Variants in PIP4K2A observed in about 807,000 individuals in gnomAD.
The protein encoded by PIP4K2A is phosphatidylinositol-5-phosphate 4-kinase type 2 alpha.
A neutral mutation model predicts 42.9 loss-of-function variants in PIP4K2A; 14 were observed. The ratio of observed to expected loss-of-function variants is 0.33; its 90% CI spans 0.22 to 0.51. The LOEUF is 0.51. Ranked by LOEUF, PIP4K2A falls within the 20% of genes least tolerant of loss-of-function variation. The pLI is 0.97. For synonymous variants in PIP4K2A, 192 were observed against 192.2 expected, an observed-to-expected ratio of 1.00 and a Z score of 0.01; for missense variants, 434 against 519.8, an observed-to-expected ratio of 0.83 and a Z score of 1.61.
At chr10:22,571,977 A>G (rs527614607) in intron 5 of PIP4K2A, among the ~76,000 whole-genome samples, 6 of 152,348 alleles carry the variant, frequency 3.9e-5, no homozygotes, top group African/African-American at 1.4e-4. Flanking sequence ...AAAAATGTTA[A>G]CATGTAATGT....
chr10:22,668,803 A>T (rs1839396955), intron 1 of PIP4K2A, among the ~76,000 whole-genome samples: 1 of 152,246 alleles, frequency 6.6e-6, no homozygotes, highest in Non-Finnish European at 1.5e-5. Context: ...TTATATAAGA[A>T]ACATGTACTT....
intron 1 of PIP4K2A, among the ~76,000 whole-genome samples, chr10:22,648,185 G>T (rs1249716385): frequency 6.6e-6 from 1 of 151,942 alleles, no homozygotes; most frequent in East Asian, 1.9e-4. Context: ...CTTCTTTCCT[G>T]CAAAGGTTGT....
At chr10:22,627,588 T>TAAAAAAAAAAAAAAAAAAAA (rs1564448260) in intron 1 of PIP4K2A, among the ~76,000 whole-genome samples, 6 of 38,922 alleles carry the variant, frequency 1.5e-4, no homozygotes, top group Non-Finnish European at 2.2e-4. Context: ...AGCTAATATG[T>TAAAAAAAAAAAAAAAAAAAA]AATAAAAAAA....
chr10:22,611,413 AAC>A (rs148928071), intron 1 of PIP4K2A, among the ~76,000 whole-genome samples: 82,089 of 142,346 alleles, frequency 0.58, 23,916 homozygotes, highest in East Asian at 0.86. Context: ...AAACAACAAC[AAC>A]AAAAAAAAAA....
chr10:22,657,065 A>C (rs1185747184), intron 1 of PIP4K2A, among the ~76,000 whole-genome samples: 1 of 152,156 alleles, frequency 6.6e-6, no homozygotes, highest in Admixed American at 6.5e-5. Flanking sequence ...TTTAATGTAC[A>C]CTTTGGCTCT....
intron 1 of PIP4K2A, among the ~76,000 whole-genome samples, chr10:22,713,266 A>C (rs1833943579): frequency 6.6e-6 from 1 of 152,118 alleles, no homozygotes; most frequent in South Asian, 2.1e-4. Flanking sequence ...CGCATCCTCC[A>C]ATCCCCGACT....
At chr10:22,714,127 A>G in intron 1 of PIP4K2A, 56 bp downstream of exon 1, 1 of 1,494,346 alleles carries the variant, frequency 6.7e-7, no homozygotes, top group Non-Finnish European at 9.1e-7. Context: ...GAGGAGGGGA[A>G]CGAGGAGGAA....
rs186756428 is a variant in PIP4K2A, at chr10:22,576,568, T to G, written c.493-3111A>C. On this transcript the variant is annotated intron_variant, in intron 4 of 9. Transcript: ENST00000376573. ...AGAGCCCTCCCGGTCCAGCTCCGTGTTCATTACCTGTGTGACCTTGGGACA... is the reference window on the plus strand; with the variant it reads ...AGAGCCCTCCCGGTCCAGCTCCGTGGTCATTACCTGTGTGACCTTGGGACA... 8.5e-5 allele frequency among the ~76,000 whole-genome samples: 13 copies of G among 152,310 alleles called. No homozygotes were observed. The East Asian group carries it at 2.5e-3, about 29-fold the overall frequency.
chr10:22,661,217 T>C (rs1839198548), intron 1 of PIP4K2A, among the ~76,000 whole-genome samples: 1 of 152,224 alleles, frequency 6.6e-6, no homozygotes, highest in Admixed American at 6.5e-5. Context: ...AAAACCACTG[T>C]TAACTCCAAG....
chr10:22,647,324 A>ATGTG (rs774899830), intron 1 of PIP4K2A, among the ~76,000 whole-genome samples: 12 of 85,042 alleles, frequency 1.4e-4, no homozygotes, highest in Non-Finnish European at 3.4e-4. Flanking sequence ...GTGTGTGTGT[A>ATGTG]TGTGTGTGTG....
intron 4 of PIP4K2A, among the ~76,000 whole-genome samples, chr10:22,576,405 G>C (rs947859822): frequency 6.6e-6 from 1 of 152,140 alleles, no homozygotes; most frequent in Non-Finnish European, 1.5e-5. Flanking sequence ...GCACAAACTC[G>C]TAACACCAGC....
intron 1 of PIP4K2A, among the ~76,000 whole-genome samples, chr10:22,671,745 T>TACACACACACACACACACACACACAC (rs143696456): frequency 2.8e-5 from 4 of 144,672 alleles, no homozygotes; most frequent in African/African-American, 1.0e-4. Context: ...ACTTGGAAAA[T>TACACACACACACACACACACACACAC]ACACACACAC....
intron 4 of PIP4K2A, 54 bp from the exon 5 acceptor site, chr10:22,573,511 C>T: frequency 6.6e-7 from 1 of 1,509,602 alleles, no homozygotes; most frequent in Admixed American, 1.9e-5. Flanking sequence ...AGATTGCTTC[C>T]TTAGATGTAA....
intron 1 of PIP4K2A, among the ~76,000 whole-genome samples, chr10:22,639,939 T>G (rs2559534): frequency 0.27 from 41,624 of 151,602 alleles, 5,984 homozygotes; most frequent in Non-Finnish European, 0.31. Flanking sequence ...AGATATCAAT[T>G]TGCAAACTTA....
At chr10:22,676,126 G>A (rs1350214714) in intron 1 of PIP4K2A, among the ~76,000 whole-genome samples, 3 of 152,004 alleles carry the variant, frequency 2.0e-5, no homozygotes, top group Admixed American at 1.3e-4. Flanking sequence ...TCCGTGGAGA[G>A]CATTTTTGAA....
chr10:22,656,157 T>C (rs1295513460), intron 1 of PIP4K2A, among the ~76,000 whole-genome samples: 2 of 152,226 alleles, frequency 1.3e-5, no homozygotes, highest in Non-Finnish European at 2.9e-5. Context: ...TCTCATGTTA[T>C]TGTTTCCTCA....
At chr10:22,637,489 A>G (rs944036478) in intron 1 of PIP4K2A, among the ~76,000 whole-genome samples, 4 of 152,348 alleles carry the variant, frequency 2.6e-5, no homozygotes, top group Non-Finnish European at 5.9e-5. Flanking sequence ...CTGCCCAAAC[A>G]TAACAACACA....
chr10:22,536,255 G>GGAGAT lies in PIP4K2A; in HGVS notation c.*941_*945dup. ...ATGCTTTGCTGGTTTTCCCACAGTGGGAGATGTAGATACCATTGCCCCAAA... is the reference window on the plus strand; with the variant it reads ...ATGCTTTGCTGGTTTTCCCACAGTGGGAGATGAGATGTAGATACCATTGCCCCAAA... On this transcript the variant is annotated 3_prime_UTR_variant, in exon 10 of 10. Transcript: ENST00000376573. 2.5e-6 allele frequency: 1 copy of GGAGAT among 396,960 alleles called. No homozygotes were observed. The highest frequency in any genetic ancestry group is 3.6e-5 in the East Asian group (1 of 27,986). The allele number at this position is 396,960 out of a possible 1,614,324, so 24.6% of individuals were successfully genotyped here.
chr10:22,565,216 C>T (rs868695522), intron 6 of PIP4K2A, among the ~76,000 whole-genome samples: 4 of 152,174 alleles, frequency 2.6e-5, no homozygotes, highest in Non-Finnish European at 4.4e-5. Context: ...TTCCCACACT[C>T]TTTTTTCAGC....
Sources: gnomAD v4.1 joint callset for allele counts (sites outside exome capture counted in the v4.1 genomes callset) on GRCh38, gnomAD v4.1.1 for gene constraint, MANE v1.5 for transcripts, NCBI Gene and HGNC (gene_info 2026-07-23, HGNC 2026-07-21) for gene names.